PIP4K2A: variants seen among roughly 807,000 people sequenced by gnomAD.
PIP4K2A encodes the protein phosphatidylinositol-5-phosphate 4-kinase type 2 alpha, also known as phosphatidylinositol 5-phosphate 4-kinase type-2 alpha.
Under a neutral mutation model 42.9 loss-of-function variants are expected in PIP4K2A, and 14 were observed. The observed-to-expected ratio is 0.33, with a 90% CI of 0.22 to 0.51. The LOEUF (loss-of-function observed/expected upper bound fraction) is 0.51, where lower values mean the gene tolerates loss of function less well. PIP4K2A is among the 20% of genes least tolerant of loss of function. The probability of loss-of-function intolerance (pLI) is 0.97; values close to 1 mark genes in which losing one functional copy is unlikely to be tolerated. For synonymous variants in PIP4K2A, 192 were observed against 192.2 expected (o/e 1.00, Z 0.01); for missense variants, 434 against 519.8 (o/e 0.83, Z 1.61).
intron 1 of PIP4K2A, among the ~76,000 whole-genome samples, chr10:22,704,450 T>C (rs911600418): frequency 2.6e-5 from 4 of 151,898 alleles, no homozygotes; most frequent in African/African-American, 4.8e-5. Context: ...GGTGTCTCTA[T>C]AGAAATAGGA....
rs57477195 is a variant in PIP4K2A, at chr10:22,582,891, T to TA, written c.492+8737dup. Among the ~76,000 whole-genome samples the TA allele has an allele frequency of 2.7e-3, 326 of 118,650 alleles. 3 individuals are homozygous for TA. Among genetic ancestry groups the TA allele is most frequent in the African/African-American group, 8.4e-3 (270 of 32,298 alleles). 77.8% of individuals were successfully genotyped at this position (118,650 alleles called of 152,430 possible). A position where few individuals can be genotyped will look rare whatever the true frequency, so the allele number is the denominator to read the frequency against. ...AATTTGATTTCAAATCGTCTTGAAGTAAAAAAAAAAAAAAAAAAAAAGTAA... is the reference window on the plus strand; with the variant it reads ...AATTTGATTTCAAATCGTCTTGAAGTAAAAAAAAAAAAAAAAAAAAAAGTAA... On this transcript the variant is annotated intron_variant, in intron 4 of 9. Coordinates refer to ENST00000376573, the MANE Select transcript of PIP4K2A (RefSeq NM_005028.5).
chr10:22,592,397 G>A (rs1183693935), intron 3 of PIP4K2A, among the ~76,000 whole-genome samples: 3 of 152,174 alleles, frequency 2.0e-5, no homozygotes. Context: ...AACTAGTAAA[G>A]TACTTAACTT....
At chr10:22,579,927 AAG>A (rs1837223485) in intron 4 of PIP4K2A, among the ~76,000 whole-genome samples, 2 of 151,746 alleles carry the variant, frequency 1.3e-5, no homozygotes. Flanking sequence ...AAAAAGAAAA[AAG>A]AAAAAAGAAA....
intron 4 of PIP4K2A, among the ~76,000 whole-genome samples, chr10:22,578,451 C>T (rs1257896360): frequency 1.3e-5 from 2 of 152,198 alleles, no homozygotes; most frequent in South Asian, 2.1e-4. Flanking sequence ...GAGCAAACAG[C>T]GCTCTTGTCT....
At position 22,571,051 on chromosome 10, in the gene PIP4K2A, A is replaced by T. The variant is rs577313567; in HGVS notation, c.639+2260T>A. 2.6e-5 allele frequency among the ~76,000 whole-genome samples: 4 copies of T among 152,346 alleles called. No individual in the cohort carries two copies. The South Asian group carries it at 8.3e-4, about 32-fold the overall frequency. On this transcript the variant is annotated intron_variant, in intron 5 of 9. Transcript: ENST00000376573. The stretch of plus-strand genomic sequence containing the variant: ...GTATCAAATCTAGACCCAGGAGTAC[A>T]CGTCTTTTCAATATTCTGTGCAGGA...
At chr10:22,655,449 T>C (rs1839081572) in intron 1 of PIP4K2A, among the ~76,000 whole-genome samples, 1 of 152,220 alleles carries the variant, frequency 6.6e-6, no homozygotes, top group African/African-American at 2.4e-5. Context: ...TGACGCCCCA[T>C]ATTTCAAATG....
At chr10:22,683,874 C>A (rs939006084) in intron 1 of PIP4K2A, among the ~76,000 whole-genome samples, 4 of 146,724 alleles carry the variant, frequency 2.7e-5, no homozygotes, top group Non-Finnish European at 4.5e-5. Context: ...CACACACACA[C>A]AATTCAAAGT....
chr10:22,703,558 T>G (rs1483317700), intron 1 of PIP4K2A, among the ~76,000 whole-genome samples: 1 of 152,162 alleles, frequency 6.6e-6, no homozygotes, highest in East Asian at 1.9e-4. Context: ...GAGGGTGTTA[T>G]GGGATGAGGG....
intron 4 of PIP4K2A, among the ~76,000 whole-genome samples, chr10:22,580,072 A>T (rs567128161): frequency 6.6e-6 from 1 of 151,798 alleles, no homozygotes; most frequent in Non-Finnish European, 1.5e-5. Context: ...GGCGTGAGGG[A>T]GGGAGACTTC....
intron 7 of PIP4K2A, among the ~76,000 whole-genome samples, chr10:22,545,611 C>A (rs996202396): frequency 6.6e-6 from 1 of 152,250 alleles, no homozygotes; most frequent in Admixed American, 6.5e-5. Flanking sequence ...ACCCAAAAAC[C>A]ATCAGCATGA....
intron 1 of PIP4K2A, among the ~76,000 whole-genome samples, chr10:22,660,340 G>A (rs1005263411): frequency 8.6e-5 from 13 of 152,036 alleles, no homozygotes; most frequent in Admixed American, 6.5e-4. Flanking sequence ...GTGTGGAAGC[G>A]CGTGCCTGTA....
At chr10:22,712,212 T>C (rs1833922276) in intron 1 of PIP4K2A, among the ~76,000 whole-genome samples, 1 of 152,340 alleles carries the variant, frequency 6.6e-6, no homozygotes, top group South Asian at 2.1e-4. Context: ...TTTCAAAATA[T>C]TTCCAATTAG....
chr10:22,574,144 CCA>C (rs1837055604), intron 4 of PIP4K2A, among the ~76,000 whole-genome samples: 1 of 151,684 alleles, frequency 6.6e-6, no homozygotes, highest in Non-Finnish European at 1.5e-5. Flanking sequence ...TGACCAAACT[CCA>C]GAGGGCCACA....
intron 6 of PIP4K2A, among the ~76,000 whole-genome samples, chr10:22,553,789 CTTTTTTTTTT>C (rs3074629): frequency 8.4e-6 from 1 of 118,520 alleles, no homozygotes; most frequent in Non-Finnish European, 1.7e-5. Context: ...GGTTGAAAAA[CTTTTTTTTTT>C]TTTTTTTTTT....
intron 1 of PIP4K2A, among the ~76,000 whole-genome samples, chr10:22,704,911 G>A (rs1045109813): frequency 2.6e-5 from 4 of 152,110 alleles, no homozygotes; most frequent in Non-Finnish European, 2.9e-5. Flanking sequence ...TTTATTAGCT[G>A]AAATTTAAAT....
chr10:22,700,650 AGCCCCCACCT>A (rs1312348797), intron 1 of PIP4K2A, among the ~76,000 whole-genome samples: 1 of 152,202 alleles, frequency 6.6e-6, no homozygotes, highest in East Asian at 1.9e-4. Flanking sequence ...TACTGACGTC[AGCCCCCACCT>A]GCCCCTACCA....
At chr10:22,687,423 G>A (rs993986293) in intron 1 of PIP4K2A, among the ~76,000 whole-genome samples, 2 of 152,064 alleles carry the variant, frequency 1.3e-5, no homozygotes, top group African/African-American at 4.8e-5. Context: ...CAGATACAGA[G>A]GATGAACAAG....
intron 5 of PIP4K2A, among the ~76,000 whole-genome samples, chr10:22,570,486 A>C (rs1356374429): frequency 6.6e-6 from 1 of 152,194 alleles, no homozygotes; most frequent in African/African-American, 2.4e-5. Context: ...CCCAGGGGCA[A>C]TTCCAGGGGC....
chr10:22,574,366 A>G (rs564928631), intron 4 of PIP4K2A, among the ~76,000 whole-genome samples: 2 of 152,138 alleles, frequency 1.3e-5, no homozygotes, highest in African/African-American at 4.8e-5. Context: ...CATGTTGGGC[A>G]TATTCAGAGA....
Sources: allele counts gnomAD v4.1 joint callset (sites outside exome capture counted in the v4.1 genomes callset), GRCh38; gene constraint gnomAD v4.1.1; transcripts MANE v1.5; gene names NCBI Gene and HGNC (gene_info 2026-07-23, HGNC 2026-07-21).